Variants in KCTD15 observed in about 807,000 individuals in gnomAD.
The protein encoded by KCTD15 is BTB/POZ domain-containing protein KCTD15.
A neutral mutation model predicts 27.2 loss-of-function variants in KCTD15; 11 were observed. That is an observed-to-expected ratio of 0.41 (90% CI 0.25 to 0.67). KCTD15 has a LOEUF of 0.67. Among genes scored for constraint, KCTD15 ranks in the 30% least tolerant of loss-of-function variants. The probability of loss-of-function intolerance (pLI) is 0.35; values close to 1 mark genes in which losing one functional copy is unlikely to be tolerated. For synonymous variants in KCTD15, 163 were observed against 176.0 expected (o/e 0.93, Z 0.58); for missense variants, 350 against 409.3 (o/e 0.86, Z 1.25).
At chr19:33,811,586 C>T (rs767012192) in intron 6 of KCTD15, 34 bp downstream of exon 6, 4 of 1,572,954 alleles carry the variant, frequency 2.5e-6, no homozygotes, top group South Asian at 2.4e-5. Context: ...CCCCGCCGCA[C>T]CCCCGGCGTC....
chr19:33,811,659 C>T, intron 6 of KCTD15, 107 bp downstream of exon 6: 2 of 1,510,448 alleles, frequency 1.3e-6, no homozygotes, highest in Non-Finnish European at 1.8e-6. Flanking sequence ...CGGTGAAGCC[C>T]CCCGTGCCAT....
chr19:33,811,687 A>T (rs1318156309), intron 6 of KCTD15, 135 bp downstream of exon 6: 1 of 1,520,324 alleles, frequency 6.6e-7, no homozygotes, highest in African/African-American at 1.4e-5. Flanking sequence ...AAAAGGCAAC[A>T]ATGTGTCGAT....
At chr19:33,812,611 T>C in intron 6 of KCTD15, 179 bp from the exon 7 acceptor site, 1 of 1,294,182 alleles carries the variant, frequency 7.7e-7, no homozygotes, top group Non-Finnish European at 9.8e-7. Flanking sequence ...CTTCTGTCCC[T>C]CTGGTGGTGG....
At chr19:33,808,478 G>T (rs1053791492) in intron 5 of KCTD15, among the ~76,000 whole-genome samples, 1 of 152,054 alleles carries the variant, frequency 6.6e-6, no homozygotes. Flanking sequence ...GGGGATGGGG[G>T]TGGCAGATGG....
intron 4 of KCTD15, among the ~76,000 whole-genome samples, chr19:33,802,784 C>T (rs772486665): frequency 3.3e-5 from 5 of 152,236 alleles, no homozygotes; most frequent in Admixed American, 6.5e-5. Context: ...AATCGGTTGA[C>T]GACGTTTGTG....
intron 5 of KCTD15, among the ~76,000 whole-genome samples, chr19:33,807,269 C>T (rs767733075): frequency 3.3e-5 from 5 of 152,228 alleles, no homozygotes; most frequent in Admixed American, 2.0e-4. Context: ...CGCGTGCCAG[C>T]GTTATAGTAG....
chr19:33,796,846 G>A (rs1371595374), upstream of KCTD15: 1 of 148,166 alleles, frequency 6.7e-6, no homozygotes, highest in African/African-American at 2.5e-5. Flanking sequence ...GGGGAGGGTT[G>A]GGGGCGAGAG....
intron 4 of KCTD15, among the ~76,000 whole-genome samples, chr19:33,802,985 G>A (rs184098371): frequency 5.3e-5 from 8 of 152,300 alleles, no homozygotes; most frequent in Admixed American, 2.6e-4. Context: ...CAGCCCCACT[G>A]TGCTGCTCAC....
chr19:33,808,900 C>T (rs1049806745), intron 5 of KCTD15, among the ~76,000 whole-genome samples: 1 of 151,988 alleles, frequency 6.6e-6, no homozygotes, highest in African/African-American at 2.4e-5. Flanking sequence ...TTTGGGAGGC[C>T]GAATGGGGAG....
chr19:33,795,295 T>C (rs917068871), upstream of KCTD15, among the ~76,000 whole-genome samples: 7 of 152,144 alleles, frequency 4.6e-5, no homozygotes, highest in Non-Finnish European at 8.8e-5. Flanking sequence ...GATTCCCGCG[T>C]AAAGAAGTTA....
chr19:33,811,183 CTCCCCCT>C, intron 5 of KCTD15, 57 bp from the exon 6 acceptor site: 2 of 833,772 alleles, frequency 2.4e-6, no homozygotes, highest in Non-Finnish European at 3.6e-6. Flanking sequence ...CGCCTCCCCT[CTCCCCCT>C]TCCCCCACCA....
chr19:33,812,052 T>G, intron 6 of KCTD15: 1 of 1,393,534 alleles, frequency 7.2e-7, no homozygotes, highest in South Asian at 1.7e-5. Flanking sequence ...AGGGCCTATT[T>G]TCCAACAGCT....
chr19:33,804,687 G>A (rs889448583), intron 4 of KCTD15, among the ~76,000 whole-genome samples: 6 of 152,170 alleles, frequency 3.9e-5, no homozygotes, highest in Non-Finnish European at 5.9e-5. Flanking sequence ...GGATGCCCAC[G>A]CTCTACTAGG....
chr19:33,795,794 G>C (rs1263527078), upstream of KCTD15: 1 of 151,636 alleles, frequency 6.6e-6, no homozygotes, highest in Non-Finnish European at 1.5e-5. Flanking sequence ...GGGGAGTCTT[G>C]GCTGCCGCCG....
At chr19:33,812,475 A>G in intron 6 of KCTD15, 1 of 1,165,774 alleles carries the variant, frequency 8.6e-7, no homozygotes, top group Non-Finnish European at 1.1e-6. Context: ...CACCCTACAG[A>G]ATAAAGAAGG....
chr19:33,802,691 A>G (rs1555729643), intron 4 of KCTD15, among the ~76,000 whole-genome samples: 1 of 152,160 alleles, frequency 6.6e-6, no homozygotes, highest in Non-Finnish European at 1.5e-5. Flanking sequence ...AGCCCTGTCT[A>G]GGATGGGAGA....
chr19:33,807,102 G>A, intron 5 of KCTD15, 95 bp downstream of exon 5: 1 of 1,406,606 alleles, frequency 7.1e-7, no homozygotes, highest in Non-Finnish European at 9.6e-7. Flanking sequence ...GGTTGTCATG[G>A]TAACCATAAA....
At chr19:33,810,264 G>A (rs1975850993) in intron 5 of KCTD15, among the ~76,000 whole-genome samples, 1 of 152,238 alleles carries the variant, frequency 6.6e-6, no homozygotes, top group Non-Finnish European at 1.5e-5. Flanking sequence ...CGTGGCAGGG[G>A]GCGGGCTTCC....
upstream of KCTD15, among the ~76,000 whole-genome samples, chr19:33,795,433 C>T (rs1568372494): frequency 6.6e-6 from 1 of 152,004 alleles, no homozygotes; most frequent in Admixed American, 6.6e-5. Flanking sequence ...AGGCCGACCC[C>T]GAGCGCCCCC....
Sources: allele counts gnomAD v4.1 joint callset (sites outside exome capture counted in the v4.1 genomes callset), GRCh38; gene constraint gnomAD v4.1.1; transcripts MANE v1.5; gene names NCBI Gene and HGNC (gene_info 2026-07-23, HGNC 2026-07-21).